Variants in CWF19L2 observed in about 807,000 individuals in gnomAD.
CWF19L2 encodes the protein CWF19-like protein 2.
In CWF19L2, 98 loss-of-function variants were observed where a neutral mutation model predicts 111.7. The observed-to-expected ratio is 0.88, with a 90% CI of 0.75 to 1.04. CWF19L2 has a LOEUF of 1.04. Ranked by LOEUF, CWF19L2 falls within the 50% of genes least tolerant of loss-of-function variation. The pLI is 0.00. For synonymous variants in CWF19L2, 351 were observed against 342.9 expected (o/e 1.02, Z -0.26); for missense variants, 1,101 against 1,051.4 (o/e 1.05, Z -0.65).
intron 9 of CWF19L2, 49 bp downstream of exon 9, chr11:107,418,145 A>C (rs772970307): frequency 2.8e-5 from 31 of 1,126,820 alleles, no homozygotes; most frequent in Non-Finnish European, 3.4e-5. Flanking sequence ...ACTCATAAGA[A>C]GTTAAACATT....
chr11:107,356,967 G>A (rs1860246088), intron 12 of CWF19L2, among the ~76,000 whole-genome samples: 1 of 152,146 alleles, frequency 6.6e-6, no homozygotes, highest in Non-Finnish European at 1.5e-5. Context: ...GAACCCAGGA[G>A]GCGGAGGTTG....
chr11:107,327,243 T>C (rs1242711286), intron 17 of CWF19L2, among the ~76,000 whole-genome samples, 190 bp from the exon 18 acceptor site: 3 of 152,196 alleles, frequency 2.0e-5, no homozygotes, highest in Non-Finnish European at 2.9e-5. Flanking sequence ...CGTGTGATTC[T>C]AAGAGTCCAA....
At chr11:107,397,338 G>A (rs1180457743) in intron 10 of CWF19L2, among the ~76,000 whole-genome samples, 1 of 152,160 alleles carries the variant, frequency 6.6e-6, no homozygotes, top group African/African-American at 2.4e-5. Context: ...CACAGTGAGA[G>A]TGAGACTGGC....
At position 107,327,068 on chromosome 11, in the gene CWF19L2, G is replaced by A; in HGVS notation, c.2542-15C>T. 1.3e-6 allele frequency: 2 copies of A among 1,575,270 alleles called. No individual in the cohort carries two copies. Among genetic ancestry groups the A allele is most frequent in the Non-Finnish European group, 8.6e-7 (1 of 1,165,588 alleles). On this transcript the variant is annotated splice_polypyrimidine_tract_variant and intron_variant, in intron 17 of 17. Transcript: ENST00000282251. ...CCTATGATTTCCTTTTAAAGAAAGA[G>A]AAAAGCACAAACACAAGCATGTATA...
At chr11:107,402,873 G>GTGTGTGTATATATATATATATATATATA (rs1247886311) in intron 10 of CWF19L2, among the ~76,000 whole-genome samples, 4 of 94,452 alleles carry the variant, frequency 4.2e-5, no homozygotes, top group African/African-American at 1.9e-4. Flanking sequence ...ACTGTGGTGT[G>GTGTGTGTATATATATATATATATATATA]TATATATATA....
rs1404768368 is a variant in CWF19L2 at position 107,375,364 on chromosome 11, C to G, written c.1872+14710G>C. On this transcript the variant is annotated intron_variant, in intron 12 of 17. Transcript: ENST00000282251. ...CACCTATTCCAAAATTGACCACATA[C>G]TTGGAAGTAAAGCTCTCCTCAGCAA... Among the ~76,000 whole-genome samples, 22 of 137,166 alleles carry G rather than the reference C, an allele frequency of 1.6e-4. 2 individuals carry two copies. The highest frequency in any genetic ancestry group is 2.3e-4 in the African/African-American group (8 of 34,770). 90.0% of individuals were successfully genotyped at this position (137,166 alleles called of 152,430 possible).
chr11:107,337,794 T>C (rs1859949814), intron 14 of CWF19L2, among the ~76,000 whole-genome samples: 1 of 152,182 alleles, frequency 6.6e-6, no homozygotes, highest in South Asian at 2.1e-4. Context: ...GAAGATAAAA[T>C]GTATTTTATT....
intron 12 of CWF19L2, among the ~76,000 whole-genome samples, chr11:107,360,729 G>C (rs1735555763): frequency 6.6e-6 from 1 of 152,200 alleles, no homozygotes. Context: ...CCATTTTTCA[G>C]ATGATTAGCG....
At chr11:107,332,762 T>C (rs1403893337) in intron 16 of CWF19L2, among the ~76,000 whole-genome samples, 1 of 152,172 alleles carries the variant, frequency 6.6e-6, no homozygotes, top group African/African-American at 2.4e-5. Context: ...TGACCTCCTT[T>C]GGAATTTTTC....
intron 17 of CWF19L2, among the ~76,000 whole-genome samples, chr11:107,329,400 T>C (rs577299450): frequency 3.3e-5 from 5 of 152,316 alleles, no homozygotes; most frequent in South Asian, 2.1e-4. Context: ...TGCTTAATTA[T>C]AAATGAAGAT....
intron 14 of CWF19L2, among the ~76,000 whole-genome samples, chr11:107,347,867 T>C (rs1045349932): frequency 3.3e-5 from 5 of 152,168 alleles, no homozygotes; most frequent in Non-Finnish European, 7.4e-5. Flanking sequence ...TTACTTAAAA[T>C]ATTTTTGGCA....
chr11:107,427,211 A>G (rs1429564210), intron 8 of CWF19L2, among the ~76,000 whole-genome samples: 1 of 120,124 alleles, frequency 8.3e-6, no homozygotes, highest in Non-Finnish European at 1.7e-5. Context: ...CAACCACTCT[A>G]CATTCTCAGG....
intron 14 of CWF19L2, among the ~76,000 whole-genome samples, chr11:107,340,159 T>C (rs894013691): frequency 2.0e-5 from 3 of 152,228 alleles, no homozygotes; most frequent in Non-Finnish European, 4.4e-5. Flanking sequence ...AAGCTCAATT[T>C]ATCAATTTTT....
At chr11:107,371,667 C>G (rs1860512820) in intron 12 of CWF19L2, among the ~76,000 whole-genome samples, 1 of 137,520 alleles carries the variant, frequency 7.3e-6, no homozygotes, top group Non-Finnish European at 1.6e-5. Flanking sequence ...ATTCTTGATT[C>G]TGTGCACTAC....
intron 5 of CWF19L2, 73 bp downstream of exon 5, chr11:107,441,430 G>A: frequency 8.0e-6 from 10 of 1,255,654 alleles, no homozygotes; most frequent in Non-Finnish European, 9.4e-6. Flanking sequence ...AAGTTAAACT[G>A]CATTTATATA....
At position 107,327,047 on chromosome 11, in the gene CWF19L2, T is replaced by C. The variant is rs756987442; in HGVS notation, c.2548A>G (p.Ile850Val). The change falls in exon 18 of 18, where the codon ATA (isoleucine) becomes GTA (valine). Residue 850 changes from isoleucine to valine, a missense_variant. Physicochemically the swap from Ile to Val is conservative, Grantham distance 29. Transcript: ENST00000282251. ...GGTTCTATATCCAGCATCCCACCTATGATTTCCTTTTAAAGAAAGAGAAAA... is the reference window on the plus strand; with the variant it reads ...GGTTCTATATCCAGCATCCCACCTACGATTTCCTTTTAAAGAAAGAGAAAA... ...KFPHYFGKEI[I>V]GGMLDIEPRL... 14 of 1,590,312 alleles carry C rather than the reference T, an allele frequency of 8.8e-6. No homozygotes were observed. The highest frequency in any genetic ancestry group is 8.5e-6 in the Non-Finnish European group (10 of 1,172,636).
At chr11:107,418,159 T>G in intron 9 of CWF19L2, 35 bp downstream of exon 9, 1 of 1,269,350 alleles carries the variant, frequency 7.9e-7, no homozygotes, top group Non-Finnish European at 1.2e-6. Context: ...AAACATTTAA[T>G]CATTATTCTC....
intron 16 of CWF19L2, among the ~76,000 whole-genome samples, chr11:107,330,613 T>C (rs1484614640): frequency 1.5e-5 from 2 of 136,790 alleles, no homozygotes; most frequent in Admixed American, 8.4e-5. Context: ...TCCCTCCCTC[T>C]CTCTTTCTCT....
intron 11 of CWF19L2, among the ~76,000 whole-genome samples, chr11:107,390,688 T>C (rs1051534018): frequency 6.6e-6 from 1 of 152,334 alleles, no homozygotes; most frequent in South Asian, 2.1e-4. Context: ...GGTATTAAGA[T>C]GCAAGGTCTT....
Sources: gnomAD v4.1 joint callset for allele counts (sites outside exome capture counted in the v4.1 genomes callset) on GRCh38, gnomAD v4.1.1 for gene constraint, MANE v1.5 for transcripts, NCBI Gene and HGNC (gene_info 2026-07-23, HGNC 2026-07-21) for gene names.